CCDC73: variants seen among roughly 807,000 people sequenced by gnomAD.
CCDC73 encodes coiled-coil domain containing 73, also known as coiled-coil domain-containing protein 73.
A neutral mutation model predicts 116.5 loss-of-function variants in CCDC73; 95 were observed. The observed-to-expected ratio is 0.82, with a 90% confidence interval of 0.69 to 0.97. CCDC73 has a LOEUF of 0.97. CCDC73 is among the 50% of genes least tolerant of loss of function. CCDC73 has a pLI of 0.00. For synonymous variants in CCDC73, 398 were observed against 401.3 expected, an observed-to-expected ratio of 0.99 and a Z score of 0.10; for missense variants, 1,066 against 1,206.8, an observed-to-expected ratio of 0.88 and a Z score of 1.73.
In CCDC73 at chr11:32,636,747, TTC is replaced by T. The variant is rs148191323; in HGVS notation, c.1051-919_1051-918del. Among the ~76,000 whole-genome samples the T allele has an allele frequency of 7.4e-3, 1,119 of 152,006 alleles. 20 individuals carry two copies. The highest frequency in any genetic ancestry group is 0.026 in the African/African-American group (1,064 of 41,484). On this transcript the variant is annotated intron_variant, in intron 13 of 17. Coordinates refer to ENST00000335185, the MANE Select transcript of CCDC73 (RefSeq NM_001008391.4). ...CCAGTAGGTGTAAACTCATGTTACT[TTC>T]TGTTCATTTCATCTATTTTTAATCA...
At position 32,708,943 on chromosome 11, in the gene CCDC73, T is replaced by C. The variant is rs886930678; in HGVS notation, c.208-5999A>G. On this transcript the variant is annotated intron_variant, in intron 3 of 17. Coordinates refer to ENST00000335185, the MANE Select transcript of CCDC73 (RefSeq NM_001008391.4). ...GCTCTGGCTAGGACTTCTAGTACTA[T>C]GTTGAATAGAAGTGGTGAAAGTGGG... 5.9e-5 allele frequency among the ~76,000 whole-genome samples: 9 copies of C among 152,308 alleles called. No individual in the cohort carries two copies. The East Asian group carries it at 1.5e-3, about 26-fold the overall frequency.
intron 9 of CCDC73, among the ~76,000 whole-genome samples, chr11:32,668,697 A>G (rs2133280384): frequency 6.6e-6 from 1 of 152,308 alleles, no homozygotes; most frequent in South Asian, 2.1e-4. Context: ...ACTTTACTCC[A>G]TTCAAGGTAA....
intron 9 of CCDC73, among the ~76,000 whole-genome samples, chr11:32,664,727 T>G (rs943881864): frequency 4.6e-5 from 7 of 152,070 alleles, no homozygotes; most frequent in Non-Finnish European, 8.8e-5. Context: ...CTTTTGAATG[T>G]GTTTGCTCTT....
intron 2 of CCDC73, among the ~76,000 whole-genome samples, chr11:32,738,909 C>T (rs879275224): frequency 4.6e-5 from 7 of 151,986 alleles, no homozygotes; most frequent in East Asian, 1.9e-4. Flanking sequence ...TTCATTCTTC[C>T]GCACATGTAT....
At chr11:32,636,297 C>T (rs921352909) in intron 13 of CCDC73, among the ~76,000 whole-genome samples, 2 of 151,978 alleles carry the variant, frequency 1.3e-5, no homozygotes, top group Admixed American at 1.3e-4. Context: ...CCATTGTTTT[C>T]TTAAAGTTTA....
At chr11:32,744,321 T>C (rs909551233) in intron 2 of CCDC73, among the ~76,000 whole-genome samples, 1 of 152,230 alleles carries the variant, frequency 6.6e-6, no homozygotes, top group Non-Finnish European at 1.5e-5. Context: ...AGTATTTTAT[T>C]GAGGATTTTC....
chr11:32,768,114 C>T (rs1334379282), intron 1 of CCDC73, among the ~76,000 whole-genome samples: 2 of 152,308 alleles, frequency 1.3e-5, no homozygotes, highest in Non-Finnish European at 2.9e-5. Flanking sequence ...AAATGTGGCA[C>T]ATATACACCA....
At chr11:32,645,626 A>G (rs1855772062) in intron 12 of CCDC73, among the ~76,000 whole-genome samples, 1 of 152,126 alleles carries the variant, frequency 6.6e-6, no homozygotes, top group African/African-American at 2.4e-5. Flanking sequence ...GTAAACTAAA[A>G]TGATGATAAG....
intron 11 of CCDC73, 44 bp from the exon 12 acceptor site, chr11:32,653,271 G>T: frequency 2.4e-6 from 3 of 1,226,598 alleles, no homozygotes; most frequent in South Asian, 1.3e-5. Context: ...TTTTAAGATA[G>T]GTATGTTTCT....
chr11:32,771,859 CT>C (rs1277037513), intron 1 of CCDC73, among the ~76,000 whole-genome samples: 1 of 152,204 alleles, frequency 6.6e-6, no homozygotes, highest in Non-Finnish European at 1.5e-5. Context: ...CTAGGATTGC[CT>C]TACAATTTGT....
chr11:32,633,992 A>G (rs1371094497), intron 14 of CCDC73, among the ~76,000 whole-genome samples: 3 of 152,198 alleles, frequency 2.0e-5, no homozygotes, highest in Non-Finnish European at 4.4e-5. Flanking sequence ...CTGCACACCA[A>G]CATAAGAAGA....
At chr11:32,632,567 G>C (rs1413730778) in intron 14 of CCDC73, among the ~76,000 whole-genome samples, 1 of 152,032 alleles carries the variant, frequency 6.6e-6, no homozygotes, top group East Asian at 1.9e-4. Context: ...GGCCAAGTTA[G>C]TTGGTATTGT....
upstream of CCDC73, among the ~76,000 whole-genome samples, chr11:32,795,480 GA>G (rs991837013): frequency 3.6e-5 from 1 of 27,598 alleles, no homozygotes. Flanking sequence ...AAAAAAAAAA[GA>G]AAAGAAAAGT....
intron 2 of CCDC73, among the ~76,000 whole-genome samples, chr11:32,749,783 A>G (rs180830497): frequency 2.6e-5 from 4 of 152,252 alleles, no homozygotes; most frequent in African/African-American, 9.6e-5. Flanking sequence ...TTGTAGACTC[A>G]GAAGTATTGC....
intron 9 of CCDC73, among the ~76,000 whole-genome samples, chr11:32,665,267 C>T (rs1727729911): frequency 6.6e-6 from 1 of 152,078 alleles, no homozygotes; most frequent in Non-Finnish European, 1.5e-5. Flanking sequence ...GTGTTAAAGT[C>T]TCCCATTATT....
chr11:32,787,973 T>G (rs986654637), intron 1 of CCDC73, among the ~76,000 whole-genome samples: 8 of 152,290 alleles, frequency 5.3e-5, no homozygotes, highest in African/African-American at 1.9e-4. Context: ...ATGTCCCATA[T>G]AGCACAAGTG....
intron 2 of CCDC73, among the ~76,000 whole-genome samples, chr11:32,723,426 T>C (rs928028704): frequency 2.6e-5 from 4 of 152,198 alleles, no homozygotes; most frequent in African/African-American, 9.6e-5. Flanking sequence ...CAAGAAACTA[T>C]CTGGAAGAGT....
chr11:32,763,884 C>G (rs1356508708), intron 1 of CCDC73, among the ~76,000 whole-genome samples: 1 of 152,112 alleles, frequency 6.6e-6, no homozygotes, highest in Non-Finnish European at 1.5e-5. Context: ...AGACAAATGG[C>G]TAACTAGAAT....
chr11:32,638,763 C>T (rs894828295), intron 13 of CCDC73, among the ~76,000 whole-genome samples: 1 of 152,152 alleles, frequency 6.6e-6, no homozygotes, highest in African/African-American at 2.4e-5. Context: ...AGGCATGAGC[C>T]ACCGTGCCCA....
Sources: gnomAD v4.1 joint callset for allele counts (sites outside exome capture counted in the v4.1 genomes callset) on GRCh38, gnomAD v4.1.1 for gene constraint, MANE v1.5 for transcripts, NCBI Gene and HGNC (gene_info 2026-07-23, HGNC 2026-07-21) for gene names.